The following VGLL4 variants were observed in gnomAD, a reference collection of about 807,000 sequenced individuals.
The protein encoded by VGLL4 is transcription cofactor vestigial-like protein 4.
VGLL4 carries 7 observed loss-of-function variants against 21.0 expected under a neutral mutation model. The ratio of observed to expected loss-of-function variants is 0.33; its 90% CI spans 0.19 to 0.63. The LOEUF (loss-of-function observed/expected upper bound fraction) is 0.63. Ranked by LOEUF, VGLL4 falls within the 20% of genes least tolerant of loss-of-function variation. VGLL4 has a pLI of 0.78. For synonymous variants in VGLL4, 222 were observed against 173.2 expected (o/e 1.28, Z -2.21); for missense variants, 394 against 425.7 (o/e 0.93, Z 0.66).
At chr3:11,684,456 C>T (rs1335365291) in intron 2 of VGLL4, among the ~76,000 whole-genome samples, 4 of 152,174 alleles carry the variant, frequency 2.6e-5, no homozygotes, top group East Asian at 1.9e-4. Context: ...TCATGGCTCA[C>T]TGCAGCCTTG....
rs571668361 is a variant in VGLL4 at position 11,558,340 on chromosome 3, C to T, written c.*216G>A. The T allele has an allele frequency of 1.4e-5, 10 of 714,266 alleles. No homozygotes were observed. Among genetic ancestry groups the T allele is most frequent in the African/African-American group, 3.6e-5 (2 of 56,066 alleles). The allele number at this position is 714,266 out of a possible 1,614,324, so 44.2% of individuals were successfully genotyped here. A position where few individuals can be genotyped will look rare whatever the true frequency, so the allele number is the denominator to read the frequency against. On this transcript the variant is annotated 3_prime_UTR_variant, in exon 5 of 5. Transcript: ENST00000430365. ...GATGCTACATTAGACAGATGTTCCA[C>T]GCGTAGTTCCTGCTATCATGTTTGA...
intron 1 of VGLL4, among the ~76,000 whole-genome samples, chr3:11,628,604 A>T (rs2075406962): frequency 6.6e-6 from 1 of 151,194 alleles, no homozygotes; most frequent in Non-Finnish European, 1.5e-5. Context: ...GCGGATCACG[A>T]GGTCAGGAGA....
rs1419657623 is a variant in VGLL4, at chr3:11,680,982, C to CTCCCT, written c.64+21984_64+21988dup. On this transcript the variant is annotated intron_variant, in intron 2 of 5. Coordinates refer to the VGLL4 transcript ENST00000273038. Reference sequence around the variant, plus strand: ...GCCTCCCACTCCCCCGCCCCCACGCCTCCCTTCCCTTCTCTTTCTATGGGT... The same window carrying CTCCCT: ...GCCTCCCACTCCCCCGCCCCCACGCCTCCCTTCCCTTCCCTTCTCTTTCTATGGGT... Among the ~76,000 whole-genome samples, 3 of 152,372 alleles carry CTCCCT rather than the reference C, an allele frequency of 2.0e-5. No homozygotes were observed. In the East Asian group the frequency reaches 5.8e-4, roughly 29 times the overall value.
chr3:11,636,732 T>C (rs1021084471), intron 1 of VGLL4, among the ~76,000 whole-genome samples: 3 of 152,208 alleles, frequency 2.0e-5, no homozygotes, highest in African/African-American at 7.2e-5. Context: ...AATTTTCTCC[T>C]AGTTTTCCAT....
chr3:11,604,524 CA>C, intron 1 of VGLL4: 4 of 946,828 alleles, frequency 4.2e-6, no homozygotes, highest in Non-Finnish European at 5.0e-6. Context: ...GGCCTTAACC[CA>C]ACACTTGTAT....
chr3:11,667,157 G>C (rs5003428), intron 2 of VGLL4, among the ~76,000 whole-genome samples: 152,366 of 152,368 alleles, frequency 1, 76,182 homozygotes, highest in Non-Finnish European at 1. Flanking sequence ...CTTGATGCTA[G>C]TAGTGCAGAT....
intron 2 of VGLL4, among the ~76,000 whole-genome samples, chr3:11,678,076 T>A (rs1035342001): frequency 6.6e-6 from 1 of 151,782 alleles, no homozygotes; most frequent in Admixed American, 6.6e-5. Flanking sequence ...TTTGAGGCAA[T>A]AGAGTCTCAC....
At chr3:11,616,271 CCTT>C (rs1054447073) in intron 1 of VGLL4, among the ~76,000 whole-genome samples, 5 of 152,312 alleles carry the variant, frequency 3.3e-5, no homozygotes, top group African/African-American at 1.2e-4. Context: ...GCAAGCCTCA[CCTT>C]CTTCAAGCTC....
chr3:11,693,554 G>A (rs1330447507), intron 2 of VGLL4, among the ~76,000 whole-genome samples: 1 of 152,174 alleles, frequency 6.6e-6, no homozygotes, highest in Non-Finnish European at 1.5e-5. Flanking sequence ...TAAACACTTT[G>A]GCAAAGTGGG....
At chr3:11,628,637 G>A (rs2574707) in intron 1 of VGLL4, among the ~76,000 whole-genome samples, 96,114 of 150,394 alleles carry the variant, frequency 0.64, 30,792 homozygotes, top group Non-Finnish European at 0.66. Flanking sequence ...TAGCTAACAC[G>A]GTGAAACCCC....
At chr3:11,656,437 G>C (rs1427894895) in intron 2 of VGLL4, among the ~76,000 whole-genome samples, 2 of 152,184 alleles carry the variant, frequency 1.3e-5, no homozygotes, top group African/African-American at 2.4e-5. Flanking sequence ...TGCTGGTGTT[G>C]GCAGGGCCTT....
rs995207740 is a variant in VGLL4 at position 11,579,178 on chromosome 3, T to C, written c.273-14159A>G. On this transcript the variant is annotated intron_variant, in intron 2 of 4. Transcript: ENST00000430365. ...GGTAGTCAGGGCTACGCTCCATCTT[T>C]CCAAAACTAGGGGGAAAGGGTTGGC... Among the ~76,000 whole-genome samples, 3 of 146,292 alleles carry C rather than the reference T, an allele frequency of 2.1e-5. No individual in the cohort carries two copies. The Admixed American group carries it at 2.1e-4, about 10-fold the overall frequency.
chr3:11,712,494 C>T (rs1236840831), intron 1 of VGLL4, among the ~76,000 whole-genome samples: 4 of 152,068 alleles, frequency 2.6e-5, no homozygotes, highest in Non-Finnish European at 4.4e-5. Flanking sequence ...ACATAAATGA[C>T]CTGATTGGAT....
At chr3:11,669,290 C>A (rs980472542) in intron 2 of VGLL4, among the ~76,000 whole-genome samples, 1 of 152,126 alleles carries the variant, frequency 6.6e-6, no homozygotes, top group Non-Finnish European at 1.5e-5. Context: ...CAGGAGAAAG[C>A]CAGGAGGATC....
chr3:11,584,112 CA>C (rs1250341970), intron 2 of VGLL4, among the ~76,000 whole-genome samples: 1 of 152,176 alleles, frequency 6.6e-6, no homozygotes, highest in Non-Finnish European at 1.5e-5. Context: ...ATCTATATTT[CA>C]AAAATACAGT....
At chr3:11,686,992 T>G (rs1057310261) in intron 2 of VGLL4, among the ~76,000 whole-genome samples, 4 of 151,570 alleles carry the variant, frequency 2.6e-5, no homozygotes, top group Admixed American at 6.6e-5. Flanking sequence ...TAGGTGGTGT[T>G]GGCTGAATTG....
chr3:11,689,563 A>C (rs886270968), intron 2 of VGLL4, among the ~76,000 whole-genome samples: 2 of 152,154 alleles, frequency 1.3e-5, no homozygotes, highest in Non-Finnish European at 2.9e-5. Context: ...ACCGACTAAC[A>C]TGTTTTTGGC....
At chr3:11,686,761 G>A (rs1559944616) in intron 2 of VGLL4, among the ~76,000 whole-genome samples, 1 of 152,104 alleles carries the variant, frequency 6.6e-6, no homozygotes, top group Admixed American at 6.6e-5. Context: ...TACCTCACGT[G>A]TATACATGTT....
intron 2 of VGLL4, among the ~76,000 whole-genome samples, chr3:11,674,021 A>C (rs2076254762): frequency 6.7e-6 from 1 of 150,368 alleles, no homozygotes. Flanking sequence ...CAAAAAAAAA[A>C]AAAAAAAAAA....
Sources: gnomAD v4.1 joint callset for allele counts (sites outside exome capture counted in the v4.1 genomes callset) on GRCh38, gnomAD v4.1.1 for gene constraint, MANE v1.5 for transcripts, NCBI Gene and HGNC (gene_info 2026-07-23, HGNC 2026-07-21) for gene names.